The following RIPOR2 variants were observed in gnomAD, a reference collection of about 807,000 sequenced individuals.
RIPOR2 encodes the protein RHO family interacting cell polarization regulator 2.
RIPOR2 carries 39 observed loss-of-function variants against 114.5 expected under a neutral mutation model. That is an observed-to-expected ratio of 0.34 (90% confidence interval 0.26 to 0.44). RIPOR2 has a LOEUF of 0.44. RIPOR2 is among the 20% of genes least tolerant of loss of function. RIPOR2 has a pLI of 1.00. For synonymous variants in RIPOR2, 445 were observed against 484.4 expected, an observed-to-expected ratio of 0.92 and a Z score of 1.07; for missense variants, 1,007 against 1,255.1, an observed-to-expected ratio of 0.80 and a Z score of 2.99.
upstream of RIPOR2, among the ~76,000 whole-genome samples, chr6:24,937,433 C>T (rs1044621557): frequency 2.0e-5 from 3 of 152,200 alleles, no homozygotes; most frequent in African/African-American, 7.2e-5. Context: ...AGGCAGAGAA[C>T]TGGAGTTATC....
rs573277857 is a variant in RIPOR2 at position 24,839,343 on chromosome 6, A to G, written c.1858-71T>C. The G allele has an allele frequency of 1.8e-3, 2,635 of 1,469,806 alleles. 4 individuals are homozygous for G. The highest frequency in any genetic ancestry group is 2.3e-3 in the Non-Finnish European group (2,496 of 1,108,008). The allele number at this position is 1,469,806 out of a possible 1,614,324, so 91.0% of individuals were successfully genotyped here. A position where few individuals can be genotyped will look rare whatever the true frequency, so the allele number is the denominator to read the frequency against. On this transcript the variant is annotated intron_variant, in intron 13 of 21. Transcript: ENST00000643898. ...AGAGAAACCAGACACACGATGCTCA[A>G]TTGGAGATGCCACACTTTTTTTTTT...
chr6:24,809,981 C>T (rs1186653677), intron 20 of RIPOR2, among the ~76,000 whole-genome samples, 174 bp from the exon 21 acceptor site: 1 of 152,150 alleles, frequency 6.6e-6, no homozygotes, highest in Non-Finnish European at 1.5e-5. Flanking sequence ...AGCAATTCTC[C>T]TGCCTCAGCC....
intron 1 of RIPOR2, among the ~76,000 whole-genome samples, chr6:25,036,165 G>A (rs924038792): frequency 2.0e-5 from 3 of 152,204 alleles, no homozygotes; most frequent in South Asian, 4.1e-4. Flanking sequence ...GGCCGGCGAA[G>A]CAGAACAAGA....
rs62647289 is a variant in RIPOR2, at chr6:24,927,290, C to T, written c.61+8548G>A. Among the ~76,000 whole-genome samples the T allele has an allele frequency of 2.9e-4, 23 of 79,356 alleles. 3 individuals are homozygous for T. In the South Asian group the frequency reaches 3.2e-3, roughly 11 times the overall value. 52.1% of individuals were successfully genotyped at this position (79,356 alleles called of 152,430 possible). A position where few individuals can be genotyped will look rare whatever the true frequency, so the allele number is the denominator to read the frequency against. On this transcript the variant is annotated intron_variant, in intron 1 of 21. Coordinates refer to ENST00000643898, the MANE Select transcript of RIPOR2 (RefSeq NM_001286445.3). ...ACAGCTACAATCACCACCACCACCA[C>T]CACCACCACCACCACAACTACAATC...
At chr6:24,983,213 CACACAT>C (rs1774376766) in intron 1 of RIPOR2, among the ~76,000 whole-genome samples, 1 of 151,260 alleles carries the variant, frequency 6.6e-6, no homozygotes, top group South Asian at 2.1e-4. Context: ...CACACACACA[CACACAT>C]ACATATATAC....
At chr6:25,000,487 C>T (rs1775254433) in intron 1 of RIPOR2, among the ~76,000 whole-genome samples, 1 of 152,194 alleles carries the variant, frequency 6.6e-6, no homozygotes, top group Non-Finnish European at 1.5e-5. Flanking sequence ...TAAGTGAACT[C>T]ATGAATATCT....
At chr6:24,980,673 C>T (rs1357050591) in intron 1 of RIPOR2, among the ~76,000 whole-genome samples, 1 of 152,206 alleles carries the variant, frequency 6.6e-6, no homozygotes, top group Non-Finnish European at 1.5e-5. Flanking sequence ...AAGCACCTGC[C>T]ACATCCCCAG....
chr6:24,926,239 C>G (rs1208106984), intron 1 of RIPOR2, among the ~76,000 whole-genome samples: 1 of 152,148 alleles, frequency 6.6e-6, no homozygotes, highest in Non-Finnish European at 1.5e-5. Flanking sequence ...GGAGGCAGTG[C>G]CTCTGATGTG....
chr6:25,027,439 G>A (rs1776683318), intron 1 of RIPOR2, among the ~76,000 whole-genome samples: 1 of 152,150 alleles, frequency 6.6e-6, no homozygotes, highest in Non-Finnish European at 1.5e-5. Flanking sequence ...AGGGCCCAGG[G>A]TATAAACATA....
At chr6:25,027,726 C>G (rs574150755) in intron 1 of RIPOR2, among the ~76,000 whole-genome samples, 1 of 152,352 alleles carries the variant, frequency 6.6e-6, no homozygotes, top group African/African-American at 2.4e-5. Context: ...CTGCCCCACC[C>G]TCTTCTCTAC....
intron 1 of RIPOR2, chr6:25,041,756 T>C: frequency 1.6e-6 from 1 of 635,568 alleles, no homozygotes; most frequent in Non-Finnish European, 2.8e-6. Flanking sequence ...GGGGGAAAGA[T>C]TGGAGAAGAT....
Position 24,843,492 on chromosome 6 carries a change from C to G in RIPOR2, c.1227G>C (p.Ser409=). The G allele has an allele frequency of 1.3e-6, 2 of 1,565,636 alleles. No individual in the cohort carries two copies. The highest frequency in any genetic ancestry group is 1.2e-5 in the South Asian group (1 of 85,764). The change falls in exon 13 of 22, where the codon TCG becomes TCC. Residue 409 remains serine (S), a synonymous_variant. Transcript: ENST00000643898. ...GKAAEEKMPL[S]LSFSDLPNGD... The stretch of plus-strand genomic sequence containing the variant: ...CGTTGGGCAGGTCACTGAAGCTGAG[C>G]GACAGTGGCATTTTCTCCTCGGCTG...
intron 1 of RIPOR2, among the ~76,000 whole-genome samples, chr6:24,884,985 G>A (rs535656282): frequency 6.6e-6 from 1 of 152,000 alleles, no homozygotes; most frequent in Non-Finnish European, 1.5e-5. Flanking sequence ...TTTTCTTTCC[G>A]TGTTTTCTAA....
chr6:24,899,844 G>A (rs925243477), intron 1 of RIPOR2, among the ~76,000 whole-genome samples: 2 of 152,198 alleles, frequency 1.3e-5, no homozygotes, highest in African/African-American at 4.8e-5. Context: ...GGAAGGAGAA[G>A]GCACGCCACT....
At position 24,828,156 on chromosome 6, in the gene RIPOR2, C is replaced by T. The variant is rs1174476243; in HGVS notation, c.2646G>A (p.Leu882=). Residue 882 remains leucine (L), a synonymous_variant, in exon 18 of 22, where the codon CTG becomes CTA. Transcript: ENST00000643898. ...TCCCACCTTGCCTGGCCAGCTGGCT[C>T]AGGTAACTCTCCAGGTCACTGACGC... The part of the protein sequence containing the change: ...SHGVSDLESY[L]SQLARQVSMV... 6.5e-7 allele frequency: 1 copy of T among 1,548,498 alleles called. No homozygotes were observed. The highest frequency in any genetic ancestry group is 1.4e-5 in the African/African-American group (1 of 72,860).
intron 1 of RIPOR2, among the ~76,000 whole-genome samples, chr6:25,039,750 A>T (rs303900): frequency 0.53 from 80,147 of 152,042 alleles, 21,194 homozygotes; most frequent in South Asian, 0.56. Flanking sequence ...ATCACAACTA[A>T]TTTCCTACAG....
intron 1 of RIPOR2, among the ~76,000 whole-genome samples, chr6:24,912,870 AG>A (rs1769773122): frequency 2.0e-5 from 3 of 152,196 alleles, no homozygotes; most frequent in Middle Eastern, 3.2e-3. Flanking sequence ...AAGAGAGATG[AG>A]GCAGATGATG....
chr6:25,040,183 T>A (rs1777404277), intron 1 of RIPOR2, among the ~76,000 whole-genome samples: 1 of 151,674 alleles, frequency 6.6e-6, no homozygotes, highest in Non-Finnish European at 1.5e-5. Flanking sequence ...TGGCACAATC[T>A]CCGCTCACTG....
chr6:24,849,959 G>C lies in RIPOR2; in HGVS notation c.886-9C>G. The C allele has an allele frequency of 1.2e-6, 2 of 1,612,012 alleles. No homozygotes were observed. The highest frequency in any genetic ancestry group is 1.7e-6 in the Non-Finnish European group (2 of 1,178,542). ...CCTTTGAGCTCCGTGACCTAGCAGA[G>C]AGAGTGGGAGAGAATAGGCCTTACA... On this transcript the variant is annotated splice_polypyrimidine_tract_variant and intron_variant, in intron 10 of 21. Transcript: ENST00000643898.
Sources: allele counts gnomAD v4.1 joint callset (sites outside exome capture counted in the v4.1 genomes callset), GRCh38; gene constraint gnomAD v4.1.1; transcripts MANE v1.5; gene names NCBI Gene and HGNC (gene_info 2026-07-23, HGNC 2026-07-21).